PITPNC1: variants seen among roughly 807,000 people sequenced by gnomAD.
PITPNC1 encodes cytoplasmic phosphatidylinositol transfer protein 1.
PITPNC1 carries 18 observed loss-of-function variants against 44.7 expected under a neutral mutation model. That is an observed-to-expected ratio of 0.40 (90% CI 0.28 to 0.60). PITPNC1 has a LOEUF of 0.60. Among genes scored for constraint, PITPNC1 ranks in the 20% least tolerant of loss-of-function variants. The probability of loss-of-function intolerance (pLI) is 0.39; values close to 1 mark genes in which losing one functional copy is unlikely to be tolerated. For synonymous variants in PITPNC1, 141 were observed against 149.6 expected, an observed-to-expected ratio of 0.94 and a Z score of 0.42; for missense variants, 290 against 418.4, an observed-to-expected ratio of 0.69 and a Z score of 2.68.
Position 67,635,389 on chromosome 17 carries a change from G to A in PITPNC1, c.462+3151G>A, listed in dbSNP as rs200788816. Among the ~76,000 whole-genome samples the A allele has an allele frequency of 3.3e-5, 5 of 152,132 alleles. No homozygotes were observed. The East Asian group carries it at 9.6e-4, about 29-fold the overall frequency. ...AATTGGGATGGCCTTAAGGATTCTG[G>A]CTTGGGCAACTGATAGATGGGGGTG... is the stretch of plus-strand genomic sequence containing the variant. On this transcript the variant is annotated intron_variant, in intron 6 of 8. Transcript: ENST00000581322.
intron 1 of PITPNC1, among the ~76,000 whole-genome samples, chr17:67,489,343 C>T (rs961243146): frequency 6.6e-6 from 1 of 152,176 alleles, no homozygotes; most frequent in African/African-American, 2.4e-5. Flanking sequence ...TTTGACCCTA[C>T]ATCTGATGAA....
In PITPNC1 at chr17:67,562,681, G is replaced by A. The variant is rs541090426; in HGVS notation, c.294+9064G>A. 3.3e-5 allele frequency among the ~76,000 whole-genome samples: 5 copies of A among 152,160 alleles called. No homozygotes were observed. The South Asian group carries it at 1.0e-3, about 32-fold the overall frequency. ...TACGTAACCCTCACAAGGCAGAAGGGCGAAGGGAGCTCAAATATCTCCCCT... is the reference window on the plus strand; with the variant it reads ...TACGTAACCCTCACAAGGCAGAAGGACGAAGGGAGCTCAAATATCTCCCCT... On this transcript the variant is annotated intron_variant, in intron 4 of 8. Coordinates refer to ENST00000581322, the MANE Select transcript of PITPNC1 (RefSeq NM_012417.4).
At chr17:67,490,931 T>C (rs539885515) in intron 1 of PITPNC1, among the ~76,000 whole-genome samples, 1 of 152,350 alleles carries the variant, frequency 6.6e-6, no homozygotes, top group South Asian at 2.1e-4. Flanking sequence ...TCTGATTCTA[T>C]TCAAGGAATG....
intron 6 of PITPNC1, among the ~76,000 whole-genome samples, chr17:67,654,043 G>A (rs963832652): frequency 6.6e-6 from 1 of 152,176 alleles, no homozygotes; most frequent in Non-Finnish European, 1.5e-5. Context: ...AGGTGAAATC[G>A]CCTAAGGGAG....
chr17:67,436,563 G>A (rs530899614), intron 1 of PITPNC1, among the ~76,000 whole-genome samples: 140 of 152,232 alleles, frequency 9.2e-4, no homozygotes, highest in African/African-American at 3.2e-3. Flanking sequence ...CGTGGAAAGC[G>A]TTCGGGGCCT....
At chr17:67,551,983 T>C (rs1277340535) in intron 2 of PITPNC1, among the ~76,000 whole-genome samples, 1 of 152,208 alleles carries the variant, frequency 6.6e-6, no homozygotes, top group Non-Finnish European at 1.5e-5. Flanking sequence ...TGAATTCTCA[T>C]GTCTTTGCAA....
At chr17:67,389,659 GTT>G (rs1050802440) in intron 1 of PITPNC1, among the ~76,000 whole-genome samples, 2 of 151,424 alleles carry the variant, frequency 1.3e-5, no homozygotes, top group Non-Finnish European at 2.9e-5. Context: ...CAGTAAAGCT[GTT>G]TTTTGTTTTG....
chr17:67,678,373 G>C (rs574623427), intron 8 of PITPNC1, among the ~76,000 whole-genome samples: 6 of 152,280 alleles, frequency 3.9e-5, no homozygotes, highest in African/African-American at 1.4e-4. Flanking sequence ...CAACTAAGGA[G>C]TCTATTGTGC....
At chr17:67,571,567 A>G (rs1193694817) in intron 4 of PITPNC1, among the ~76,000 whole-genome samples, 1 of 152,238 alleles carries the variant, frequency 6.6e-6, no homozygotes, top group Non-Finnish European at 1.5e-5. Flanking sequence ...GGCATCAACC[A>G]AGGTTCTAGT....
intron 5 of PITPNC1, among the ~76,000 whole-genome samples, chr17:67,619,206 G>T (rs1372344417): frequency 6.6e-6 from 1 of 152,164 alleles, no homozygotes; most frequent in Non-Finnish European, 1.5e-5. Context: ...AACAGTTTAG[G>T]AGTCCACCAC....
In PITPNC1 at chr17:67,694,516, C is replaced by G. The variant is rs996515082; in HGVS notation, c.*1628C>G. 1.1e-4 allele frequency: 16 copies of G among 152,222 alleles called. No individual in the cohort carries two copies. The highest frequency in any genetic ancestry group is 1.0e-3 in the Admixed American group (16 of 15,280). The allele number at this position is 152,222 out of a possible 1,614,324, so 9.4% of individuals were successfully genotyped here. ...AGTGTCTTTCAGGTTGATACACTCT[C>G]CCAAGGTGCAGGCGCTGGCCCCATG... is the stretch of plus-strand genomic sequence containing the variant. On this transcript the variant is annotated 3_prime_UTR_variant, in exon 9 of 9. Coordinates refer to ENST00000581322, the MANE Select transcript of PITPNC1 (RefSeq NM_012417.4).
chr17:67,397,463 G>C (rs2038237307), intron 1 of PITPNC1, among the ~76,000 whole-genome samples: 1 of 152,170 alleles, frequency 6.6e-6, no homozygotes, highest in South Asian at 2.1e-4. Flanking sequence ...ACTGCCCTGA[G>C]GGTCTTCCAC....
At chr17:67,529,459 A>G (rs912567921) in intron 1 of PITPNC1, among the ~76,000 whole-genome samples, 3 of 152,240 alleles carry the variant, frequency 2.0e-5, no homozygotes, top group Non-Finnish European at 4.4e-5. Flanking sequence ...GTTTAAATTG[A>G]GGTGAAATTC....
intron 5 of PITPNC1, among the ~76,000 whole-genome samples, chr17:67,579,614 ATTTTTTTTTTTTTTT>A (rs558310588): frequency 2.3e-5 from 2 of 88,788 alleles, no homozygotes; most frequent in Non-Finnish European, 4.2e-5. Flanking sequence ...TAAAATAGTG[ATTTTTTTTTTTTTTT>A]TTTTTTTTTT....
chr17:67,549,284 T>C (rs2040726018), intron 2 of PITPNC1, among the ~76,000 whole-genome samples: 2 of 152,012 alleles, frequency 1.3e-5, no homozygotes, highest in Admixed American at 1.3e-4. Flanking sequence ...CGAAACCCTG[T>C]CTCTATAGCT....
At chr17:67,385,459 G>A (rs1470328242) in intron 1 of PITPNC1, among the ~76,000 whole-genome samples, 1 of 152,116 alleles carries the variant, frequency 6.6e-6, no homozygotes, top group Non-Finnish European at 1.5e-5. Flanking sequence ...GGACAAATAA[G>A]GGAATAATGG....
At chr17:67,644,798 C>T (rs2042129418) in intron 6 of PITPNC1, among the ~76,000 whole-genome samples, 1 of 152,124 alleles carries the variant, frequency 6.6e-6, no homozygotes, top group African/African-American at 2.4e-5. Flanking sequence ...CCACATCAGC[C>T]CCTGCTGTTT....
At chr17:67,611,381 T>G (rs141892525) in intron 5 of PITPNC1, 1 of 152,386 alleles carries the variant, frequency 6.6e-6, no homozygotes, top group Non-Finnish European at 1.5e-5. Context: ...GATTTCATCT[T>G]CTGTGTCCAG....
At chr17:67,643,953 G>C (rs1190259503) in intron 6 of PITPNC1, among the ~76,000 whole-genome samples, 1 of 152,152 alleles carries the variant, frequency 6.6e-6, no homozygotes, top group African/African-American at 2.4e-5. Flanking sequence ...CTTTTCCCTT[G>C]TCGGTGTGAG....
Sources: allele counts gnomAD v4.1 joint callset (sites outside exome capture counted in the v4.1 genomes callset), GRCh38; gene constraint gnomAD v4.1.1; transcripts MANE v1.5; gene names NCBI Gene and HGNC (gene_info 2026-07-23, HGNC 2026-07-21).